The following CR1 variants were observed in gnomAD, a reference collection of about 807,000 sequenced individuals.
CR1 encodes complement receptor type 1.
A neutral mutation model predicts 187.3 loss-of-function variants in CR1; 116 were observed. The observed-to-expected ratio is 0.62, with a 90% CI of 0.53 to 0.72. CR1 has a LOEUF of 0.72. Among genes scored for constraint, CR1 ranks in the 30% least tolerant of loss-of-function variants. The pLI is 0.00. For missense variants in CR1, 1,731 were observed against 2,110.7 expected, an observed-to-expected ratio of 0.82 and a Z score of 3.52; for synonymous variants, 576 against 747.1, an observed-to-expected ratio of 0.77 and a Z score of 3.73.
At chr1:207,498,259 T>A (rs1011996789) in intron 1 of CR1, among the ~76,000 whole-genome samples, 1 of 152,220 alleles carries the variant, frequency 6.6e-6, no homozygotes, top group Non-Finnish European at 1.5e-5. Flanking sequence ...CGTGCAAGAC[T>A]GCAGGATCAC....
At chr1:207,639,060 C>T (rs72468035) in intron 46 of CR1, among the ~76,000 whole-genome samples, 9,593 of 152,256 alleles carry the variant, frequency 0.063, 605 homozygotes, top group East Asian at 0.35. Context: ...TGTTGCGGGG[C>T]CTGAGGCTGG....
chr1:207,503,273 T>C (rs1171328359), intron 1 of CR1, among the ~76,000 whole-genome samples: 1 of 152,202 alleles, frequency 6.6e-6, no homozygotes, highest in Admixed American at 6.5e-5. Context: ...GTAGAAGACA[T>C]TGGGTTCAAG....
At position 207,609,618 on chromosome 1, in the gene CR1, G is replaced by A; in HGVS notation, c.6225G>A (p.Met2075Ile). The A allele has an allele frequency of 6.2e-7, 1 of 1,611,496 alleles. No individual in the cohort carries two copies. ...IRFRCQPGFV[M>I]VGSHTVQCQT... ...TTAGATGTCAGCCCGGGTTTGTCAT[G>A]GTAGGGTCCCACACTGTGCAGTGCC... Residue 2075 changes from methionine to isoleucine, a missense_variant, in exon 37 of 47, where the codon ATG becomes ATA. By Grantham distance (10) the Met-to-Ile change is conservative (BLOSUM62 1). Coordinates refer to ENST00000367049, the MANE Select transcript of CR1 (RefSeq NM_000651.6).
intron 35 of CR1, among the ~76,000 whole-genome samples, chr1:207,594,997 T>C (rs1661384020): frequency 6.6e-6 from 1 of 152,106 alleles, no homozygotes; most frequent in Non-Finnish European, 1.5e-5. Flanking sequence ...CTCATATGTG[T>C]TTGTAACATA....
chr1:207,598,529 C>T (rs193190563), intron 35 of CR1, among the ~76,000 whole-genome samples: 1 of 151,968 alleles, frequency 6.6e-6, no homozygotes, highest in Non-Finnish European at 1.5e-5. Flanking sequence ...AAGCCATTAT[C>T]CTGCCTCAGC....
At chr1:207,508,696 A>C (rs1659524150) in intron 3 of CR1, among the ~76,000 whole-genome samples, 1 of 152,130 alleles carries the variant, frequency 6.6e-6, no homozygotes, top group South Asian at 2.1e-4. Flanking sequence ...CCTGCATGTG[A>C]ATCTGATTAT....
intron 35 of CR1, among the ~76,000 whole-genome samples, chr1:207,593,341 AAAAC>A (rs1661333409): frequency 6.6e-6 from 1 of 152,230 alleles, no homozygotes; most frequent in Non-Finnish European, 1.5e-5. Context: ...GAACCTGACA[AAAAC>A]AAGCAATGGG....
intron 4 of CR1, among the ~76,000 whole-genome samples, chr1:207,521,449 A>C (rs1325433291): frequency 6.6e-6 from 1 of 151,728 alleles, no homozygotes; most frequent in Admixed American, 6.6e-5. Flanking sequence ...TGTATTTTTT[A>C]ATCTTTTTAT....
intron 4 of CR1, 60 bp downstream of exon 4, chr1:207,511,714 T>C: frequency 1.3e-6 from 2 of 1,518,186 alleles, no homozygotes; most frequent in Non-Finnish European, 1.8e-6. Flanking sequence ...TTCTCTGGAA[T>C]AATAAAAATC....
At chr1:207,587,946 A>T (rs181943089) in intron 34 of CR1, among the ~76,000 whole-genome samples, 94 of 152,338 alleles carry the variant, frequency 6.2e-4, no homozygotes, top group African/African-American at 2.1e-3. Context: ...GAAAATTTAC[A>T]TTCACTGTAG....
intron 32 of CR1, among the ~76,000 whole-genome samples, chr1:207,584,093 T>C (rs1041843250): frequency 6.6e-6 from 1 of 151,506 alleles, no homozygotes; most frequent in Non-Finnish European, 1.5e-5. Context: ...GTACATAGCA[T>C]TTTTTTTTCA....
intron 39 of CR1, among the ~76,000 whole-genome samples, chr1:207,613,324 G>T (rs1018049473): frequency 1.3e-5 from 2 of 152,148 alleles, no homozygotes; most frequent in African/African-American, 4.8e-5. Context: ...TGTGCTGATT[G>T]GTTTGTGACT....
Position 207,623,037 on chromosome 1 carries a change from C to G in CR1, c.7321C>G (p.Leu2441Val). 6.3e-7 allele frequency: 1 copy of G among 1,581,536 alleles called. No individual in the cohort carries two copies. The highest frequency in any genetic ancestry group is 8.6e-7 in the Non-Finnish European group (1 of 1,161,076). The change falls in exon 45 of 47, where the codon CTC becomes GTC. Residue 2441 changes from leucine (L) to valine (V), a missense_variant. Leu to Val is a conservative substitution (Grantham distance 32). Coordinates refer to ENST00000367049, the MANE Select transcript of CR1 (RefSeq NM_000651.6). ...TIFFILLIIF[L>V]SWIILKHRKG... ...CTTCTTTATTTTACTCATCATTTTCCTCTCTTGGATAATTCTAAAGCACAG... is the reference window on the plus strand; with the variant it reads ...CTTCTTTATTTTACTCATCATTTTCGTCTCTTGGATAATTCTAAAGCACAG...
At chr1:207,576,022 C>T (rs1222063075) in intron 28 of CR1, among the ~76,000 whole-genome samples, 2 of 152,194 alleles carry the variant, frequency 1.3e-5, no homozygotes, top group Non-Finnish European at 2.9e-5. Flanking sequence ...ACCCCATATC[C>T]TCTCTGCAAG....
At chr1:207,497,207 G>A (rs762588955) in intron 1 of CR1, among the ~76,000 whole-genome samples, 1 of 152,168 alleles carries the variant, frequency 6.6e-6, no homozygotes, top group Non-Finnish European at 1.5e-5. Context: ...TTTACAGTTC[G>A]CATTTTAGTG....
chr1:207,594,453 G>A (rs1661368409), intron 35 of CR1, among the ~76,000 whole-genome samples: 1 of 152,122 alleles, frequency 6.6e-6, no homozygotes, highest in Admixed American at 6.5e-5. Context: ...GGGCCCGTCA[G>A]AGGGTAGGAG....
intron 34 of CR1, 100 bp downstream of exon 34, chr1:207,587,665 A>G: frequency 1.1e-5 from 13 of 1,194,230 alleles, no homozygotes; most frequent in South Asian, 3.4e-5. Flanking sequence ...TTGGGAGGCC[A>G]AGGCTGGCAG....
chr1:207,596,562 C>A (rs576108327), intron 35 of CR1, among the ~76,000 whole-genome samples: 1 of 151,820 alleles, frequency 6.6e-6, no homozygotes, highest in South Asian at 2.1e-4. Flanking sequence ...TGCAGTGAGC[C>A]GAGATGGTGC....
At chr1:207,526,512 G>C (rs954288082) in intron 5 of CR1, among the ~76,000 whole-genome samples, 10 of 151,332 alleles carry the variant, frequency 6.6e-5, no homozygotes, top group Middle Eastern at 3.4e-3. Flanking sequence ...GCATACTTTA[G>C]ATGAAAAACA....
Sources: allele counts gnomAD v4.1 joint callset (sites outside exome capture counted in the v4.1 genomes callset), GRCh38; gene constraint gnomAD v4.1.1; transcripts MANE v1.5; gene names NCBI Gene and HGNC (gene_info 2026-07-23, HGNC 2026-07-21).